Variants in SLC39A11 observed in about 807,000 individuals in gnomAD.
The protein encoded by SLC39A11 is zinc transporter ZIP11.
Under a neutral mutation model 36.1 loss-of-function variants are expected in SLC39A11, and 33 were observed. The observed-to-expected ratio is 0.91, with a 90% CI of 0.69 to 1.22. The LOEUF is 1.22. SLC39A11 is among the 50% of genes most tolerant of loss of function. SLC39A11 has a pLI of 0.00. For synonymous variants in SLC39A11, 166 were observed against 170.3 expected (o/e 0.97, Z 0.20); for missense variants, 432 against 430.3 (o/e 1.00, Z -0.03).
At chr17:72,803,433 A>T (rs549204319) in intron 6 of SLC39A11, among the ~76,000 whole-genome samples, 1 of 152,356 alleles carries the variant, frequency 6.6e-6, no homozygotes, top group African/African-American at 2.4e-5. Context: ...ATGAAATGCC[A>T]CACGCAGGAG....
At chr17:72,734,918 T>TG (rs368542697) in intron 7 of SLC39A11, among the ~76,000 whole-genome samples, 320 of 152,202 alleles carry the variant, frequency 2.1e-3, no homozygotes, top group Middle Eastern at 0.01. Context: ...TGTGGTCTAG[T>TG]GGAGTCAGGA....
intron 2 of SLC39A11, 126 bp downstream of exon 2, chr17:73,088,531 T>A (rs1408369984): frequency 1.4e-6 from 1 of 703,390 alleles, no homozygotes; most frequent in Non-Finnish European, 2.5e-6. Context: ...CAAACCCCAG[T>A]ACACAATGCC....
intron 5 of SLC39A11, among the ~76,000 whole-genome samples, chr17:72,910,926 CAAAAAAAAAA>C (rs199741291): frequency 1.8e-5 from 2 of 111,992 alleles, no homozygotes; most frequent in Non-Finnish European, 3.7e-5. Flanking sequence ...GACTCCACCT[CAAAAAAAAAA>C]AAAAAAAAAA....
chr17:72,999,866 G>A (rs541491015), intron 4 of SLC39A11, among the ~76,000 whole-genome samples: 15 of 152,146 alleles, frequency 9.9e-5, no homozygotes, highest in East Asian at 1.9e-4. Flanking sequence ...TCAGTCTCCC[G>A]AGTAGCTGGG....
At chr17:72,650,328 A>G (rs561087232) in intron 7 of SLC39A11, among the ~76,000 whole-genome samples, 2 of 152,280 alleles carry the variant, frequency 1.3e-5, no homozygotes, top group Admixed American at 1.3e-4. Context: ...GAGAAGCAAA[A>G]TGGGATGCGT....
intron 5 of SLC39A11, among the ~76,000 whole-genome samples, chr17:72,862,469 C>G (rs1384209187): frequency 2.6e-5 from 4 of 152,214 alleles, no homozygotes; most frequent in African/African-American, 9.6e-5. Context: ...ATTAATGGAG[C>G]AGAGCAGAAA....
rs143098634 is a variant in SLC39A11 at position 72,905,364 on chromosome 17, G to T, written c.430+42388C>A. ...TACTCCCAGCAATTTGGGAGGCCAA[G>T]GCAGGCGGATCACCTGAAGTCAGGA... On this transcript the variant is annotated intron_variant, in intron 5 of 9. Transcript: ENST00000255559. Among the ~76,000 whole-genome samples the T allele has an allele frequency of 2.6e-5, 4 of 151,474 alleles. No individual in the cohort carries two copies. In the East Asian group the frequency reaches 7.8e-4, roughly 30 times the overall value.
chr17:72,813,648 T>C (rs2077497314), intron 6 of SLC39A11, among the ~76,000 whole-genome samples: 1 of 152,176 alleles, frequency 6.6e-6, no homozygotes. Context: ...AAAGCAGAAG[T>C]TGATCACTCT....
chr17:72,758,215 T>G (rs540417535), intron 6 of SLC39A11, among the ~76,000 whole-genome samples: 1 of 152,314 alleles, frequency 6.6e-6, no homozygotes, highest in Non-Finnish European at 1.5e-5. Context: ...ATAAGTAAAG[T>G]TAATCATGGA....
chr17:73,048,543 G>C (rs111326388), intron 3 of SLC39A11, among the ~76,000 whole-genome samples: 1 of 152,154 alleles, frequency 6.6e-6, no homozygotes, highest in South Asian at 2.1e-4. Flanking sequence ...TTTCATTTGG[G>C]TGTATACCCA....
chr17:73,019,931 C>T (rs2148576318), intron 4 of SLC39A11, among the ~76,000 whole-genome samples: 1 of 152,216 alleles, frequency 6.6e-6, no homozygotes, highest in East Asian at 1.9e-4. Flanking sequence ...CAAGGAAACA[C>T]TAACAAAATG....
intron 7 of SLC39A11, among the ~76,000 whole-genome samples, chr17:72,655,976 C>T (rs948955040): frequency 6.6e-6 from 1 of 152,112 alleles, no homozygotes; most frequent in Admixed American, 6.5e-5. Context: ...GCCCCAGGCT[C>T]ACCAGCTCCC....
chr17:72,924,441 T>C (rs1228469192), intron 5 of SLC39A11, among the ~76,000 whole-genome samples: 1 of 152,138 alleles, frequency 6.6e-6, no homozygotes, highest in African/African-American at 2.4e-5. Context: ...GTGTGGCTAC[T>C]GGCCCAGGGA....
At chr17:72,825,901 A>G (rs1307527930) in intron 6 of SLC39A11, among the ~76,000 whole-genome samples, 1 of 152,212 alleles carries the variant, frequency 6.6e-6, no homozygotes, top group Non-Finnish European at 1.5e-5. Flanking sequence ...TTACAGGCTC[A>G]TAGGTGGAAG....
chr17:73,050,888 C>T (rs1278523467), intron 3 of SLC39A11, among the ~76,000 whole-genome samples: 1 of 152,088 alleles, frequency 6.6e-6, no homozygotes, highest in Admixed American at 6.5e-5. Context: ...GTCATCAGTG[C>T]AGGTGAGGAA....
chr17:72,776,619 A>AAC (rs2076141463), intron 6 of SLC39A11, among the ~76,000 whole-genome samples: 1 of 150,492 alleles, frequency 6.6e-6, no homozygotes, highest in Non-Finnish European at 1.5e-5. Context: ...GGAAAAAAAA[A>AAC]AAAAAAAAAA....
chr17:72,686,571 GTTC>G (rs955102900), intron 7 of SLC39A11, among the ~76,000 whole-genome samples: 10 of 144,926 alleles, frequency 6.9e-5, no homozygotes, highest in African/African-American at 2.5e-4. Flanking sequence ...ATCTAAAACT[GTTC>G]TTCTGTCCAG....
intron 7 of SLC39A11, among the ~76,000 whole-genome samples, chr17:72,711,877 A>T (rs2073116850): frequency 6.6e-6 from 1 of 152,244 alleles, no homozygotes; most frequent in African/African-American, 2.4e-5. Flanking sequence ...GAACAGCCAG[A>T]AATGGAAAGG....
rs962792107 is a variant in SLC39A11 at position 73,005,589 on chromosome 17, G to A, written c.306+25967C>T. On this transcript the variant is annotated intron_variant, in intron 4 of 9. Transcript: ENST00000255559. ...TGTTCTATATGCAGAGGCTCTGCCCGCTCCAGCCACCTAGGGACCTGCTCA... is the reference window on the plus strand; with the variant it reads ...TGTTCTATATGCAGAGGCTCTGCCCACTCCAGCCACCTAGGGACCTGCTCA... 8.5e-5 allele frequency among the ~76,000 whole-genome samples: 13 copies of A among 152,156 alleles called. No homozygotes were observed. The East Asian group carries it at 9.6e-4, about 11-fold the overall frequency.
Sources: allele counts gnomAD v4.1 joint callset (sites outside exome capture counted in the v4.1 genomes callset), GRCh38; gene constraint gnomAD v4.1.1; transcripts MANE v1.5; gene names NCBI Gene and HGNC (gene_info 2026-07-23, HGNC 2026-07-21).